Variants in PRUNE2 observed in about 807,000 individuals in gnomAD.
PRUNE2 encodes the protein protein prune homolog 2.
Under a neutral mutation model 252.0 loss-of-function variants are expected in PRUNE2, and 164 were observed. That is an observed-to-expected ratio of 0.65 (90% CI 0.57 to 0.74). PRUNE2 has a LOEUF of 0.74. Among genes scored for constraint, PRUNE2 ranks in the 30% least tolerant of loss-of-function variants. The pLI is 0.00. For synonymous variants in PRUNE2, 1,292 were observed against 1,350.2 expected, an observed-to-expected ratio of 0.96 and a Z score of 0.94; for missense variants, 3,495 against 3,711.0, an observed-to-expected ratio of 0.94 and a Z score of 1.51.
rs1196371196 is a variant in PRUNE2 at position 76,613,752 on chromosome 9, C to T, written c.*818G>A. ...AGAGGAATTCATGAATAACTGAATG[C>T]TACCAAATGATTTTTGAGTAGGCCA... On this transcript the variant is annotated 3_prime_UTR_variant, in exon 19 of 19. Transcript: ENST00000376718. The T allele has an allele frequency of 6.6e-6, 1 of 152,182 alleles. No individual in the cohort carries two copies. The highest frequency in any genetic ancestry group is 1.5e-5 in the Non-Finnish European group (1 of 68,024). 9.4% of individuals were successfully genotyped at this position (152,182 alleles called of 1,614,324 possible).
At chr9:76,869,441 A>T (rs1050404958) in intron 1 of PRUNE2, among the ~76,000 whole-genome samples, 4 of 152,038 alleles carry the variant, frequency 2.6e-5, no homozygotes, top group Non-Finnish European at 5.9e-5. Context: ...CTTCCAGGTG[A>T]CCTCTCAGGA....
rs117181347 is a variant in PRUNE2 at position 76,760,769 on chromosome 9, G to A, written c.757-47048C>T. On this transcript the variant is annotated intron_variant, in intron 6 of 18. Transcript: ENST00000376718. ...TCTCTACATGCATCTTAGATTTACT[G>A]CATTCATGCCTAGCAAGAAACCTGT... 7.2e-3 allele frequency among the ~76,000 whole-genome samples: 1,100 copies of A among 152,152 alleles called. 5 individuals carry two copies. The highest frequency in any genetic ancestry group is 9.2e-3 in the Non-Finnish European group (623 of 68,014).
chr9:76,629,292 TAAAAAAAA>T lies in PRUNE2; in HGVS notation c.9051-10_9051-3del. 4 of 1,161,086 alleles carry T rather than the reference TAAAAAAAA, an allele frequency of 3.4e-6. No individual in the cohort carries two copies. The highest frequency in any genetic ancestry group is 4.8e-6 in the Non-Finnish European group (4 of 839,760). 71.9% of individuals were successfully genotyped at this position (1,161,086 alleles called of 1,614,324 possible). A position where few individuals can be genotyped will look rare whatever the true frequency, so the allele number is the denominator to read the frequency against. ...TTAATTTTACTGCTGAATTTTGAAC[TAAAAAAAA>T]AAAAAAGAAAAAAATATGTATCATT... is the stretch of plus-strand genomic sequence containing the variant. On this transcript the variant is annotated splice_region_variant and splice_polypyrimidine_tract_variant and intron_variant, in intron 15 of 18. Coordinates refer to ENST00000376718, the MANE Select transcript of PRUNE2 (RefSeq NM_015225.3).
Position 76,707,080 on chromosome 9 carries a change from G to A in PRUNE2, c.5194C>T (p.Pro1732Ser). 1 of 1,613,920 alleles carries A rather than the reference G, an allele frequency of 6.2e-7. No homozygotes were observed. The highest frequency in any genetic ancestry group is 8.5e-7 in the Non-Finnish European group (1 of 1,179,876). The change falls in exon 8 of 19, where the codon CCT becomes TCT. Residue 1732 changes from proline (P) to serine (S), a missense_variant. Transcript: ENST00000376718. ...ESNKFLVTAD[P>S]KSENIYDYLD... The stretch of plus-strand genomic sequence containing the variant: ...TAGTCATAAATATTTTCAGACTTAG[G>A]ATCAGCTGTGACCAAGAACTTATTA...
intron 6 of PRUNE2, among the ~76,000 whole-genome samples, chr9:76,728,534 A>T (rs2048314791): frequency 6.6e-6 from 1 of 152,226 alleles, no homozygotes; most frequent in South Asian, 2.1e-4. Flanking sequence ...TTGTCTACAC[A>T]TAGTTTCTAC....
intron 6 of PRUNE2, among the ~76,000 whole-genome samples, chr9:76,755,515 G>A (rs893684547): frequency 6.6e-6 from 1 of 152,102 alleles, no homozygotes; most frequent in Non-Finnish European, 1.5e-5. Flanking sequence ...GTCTAGTGGG[G>A]GTGTGGACAA....
At chr9:76,678,423 GA>G (rs1194450305) in intron 9 of PRUNE2, among the ~76,000 whole-genome samples, 1 of 149,574 alleles carries the variant, frequency 6.7e-6, no homozygotes, top group African/African-American at 2.5e-5. Context: ...AAAAGGAAAG[GA>G]AAAAAAGAAA....
chr9:76,858,948 G>A (rs2060409461), intron 1 of PRUNE2, among the ~76,000 whole-genome samples: 1 of 152,086 alleles, frequency 6.6e-6, no homozygotes, highest in Non-Finnish European at 1.5e-5. Flanking sequence ...ATGTGACTCT[G>A]TAAACTCCTA....
intron 9 of PRUNE2, among the ~76,000 whole-genome samples, chr9:76,656,680 T>C (rs1270069058): frequency 6.6e-6 from 1 of 152,172 alleles, no homozygotes; most frequent in Admixed American, 6.5e-5. Context: ...AACAGACCCG[T>C]CTCATTCTCG....
intron 9 of PRUNE2, among the ~76,000 whole-genome samples, chr9:76,675,809 G>A (rs535719346): frequency 1.7e-3 from 217 of 127,496 alleles, no homozygotes; most frequent in African/African-American, 5.4e-3. Flanking sequence ...GTAAACTATC[G>A]CAAGAACAAA....
chr9:76,632,596 C>A (rs1156432878), intron 15 of PRUNE2, among the ~76,000 whole-genome samples: 1 of 152,186 alleles, frequency 6.6e-6, no homozygotes, highest in Non-Finnish European at 1.5e-5. Context: ...CTCACTCTGT[C>A]ACCCAGGCTG....
rs753024303 is a variant in PRUNE2 at position 76,709,014 on chromosome 9, A to T, written c.3260T>A (p.Leu1087Gln). ...GAGTTGTCGGTTTGTTTCATTGTAC[A>T]GTTGCATCATGCTGGGGTCGTCGTA... The part of the protein sequence containing the change: ...SSYDDPSMMQ[L>Q]YNETNRQLTL... The change falls in exon 8 of 19, where the codon CTG becomes CAG. Residue 1087 changes from leucine to glutamine, a missense_variant. Leu to Gln is a moderately radical substitution (Grantham distance 113). Coordinates refer to ENST00000376718, the MANE Select transcript of PRUNE2 (RefSeq NM_015225.3). 2.0e-5 allele frequency: 32 copies of T among 1,613,818 alleles called. 1 individual carries two copies. The highest frequency in any genetic ancestry group is 1.6e-4 in the Middle Eastern group (1 of 6,084).
chr9:76,767,533 G>C (rs2052548663), intron 6 of PRUNE2, among the ~76,000 whole-genome samples: 1 of 151,660 alleles, frequency 6.6e-6, no homozygotes, highest in African/African-American at 2.4e-5. Flanking sequence ...TGACTCCATT[G>C]ATCACCTCTT....
intron 6 of PRUNE2, among the ~76,000 whole-genome samples, chr9:76,715,838 T>C (rs1258465902): frequency 2.6e-5 from 4 of 152,202 alleles, no homozygotes; most frequent in Non-Finnish European, 5.9e-5. Context: ...AAGAACCTCA[T>C]TGCTAAACTT....
intron 9 of PRUNE2, among the ~76,000 whole-genome samples, chr9:76,665,745 T>C (rs565762302): frequency 6.6e-6 from 1 of 152,092 alleles, no homozygotes; most frequent in Non-Finnish European, 1.5e-5. Context: ...ATAAAAATTA[T>C]CTTCCAGGCC....
chr9:76,870,837 C>T (rs1248314216), intron 1 of PRUNE2, among the ~76,000 whole-genome samples: 2 of 150,544 alleles, frequency 1.3e-5, no homozygotes, highest in Non-Finnish European at 2.9e-5. Flanking sequence ...TAACTGAAGA[C>T]AGAAACCTAA....
chr9:76,691,136 G>A (rs1466299663), intron 9 of PRUNE2, among the ~76,000 whole-genome samples: 1 of 152,222 alleles, frequency 6.6e-6, no homozygotes, highest in African/African-American at 2.4e-5. Context: ...CTACAGGAGG[G>A]GCGCAGGGCA....
Position 76,724,547 on chromosome 9 carries a change from T to C in PRUNE2, c.757-10826A>G, listed in dbSNP as rs189761028. 2.0e-4 allele frequency among the ~76,000 whole-genome samples: 30 copies of C among 152,144 alleles called. No homozygotes were observed. The East Asian group carries it at 5.4e-3, about 28-fold the overall frequency. ...TCAGGCACACCTCAAATAAGGGAGTTAAAATTCTTTCCCATCTTTTTCCAT... is the reference window on the plus strand; with the variant it reads ...TCAGGCACACCTCAAATAAGGGAGTCAAAATTCTTTCCCATCTTTTTCCAT... On this transcript the variant is annotated intron_variant, in intron 6 of 18. Coordinates refer to ENST00000376718, the MANE Select transcript of PRUNE2 (RefSeq NM_015225.3).
chr9:76,676,185 G>A (rs993055887), intron 9 of PRUNE2, among the ~76,000 whole-genome samples: 1 of 151,164 alleles, frequency 6.6e-6, no homozygotes, highest in Non-Finnish European at 1.5e-5. Context: ...TGTTTAACCT[G>A]CGGCTGCAGA....
Sources: allele counts gnomAD v4.1 joint callset (sites outside exome capture counted in the v4.1 genomes callset), GRCh38; gene constraint gnomAD v4.1.1; transcripts MANE v1.5; gene names NCBI Gene and HGNC (gene_info 2026-07-23, HGNC 2026-07-21).